Variants in VEGFC observed in about 807,000 individuals in gnomAD.
VEGFC encodes vascular endothelial growth factor C.
A neutral mutation model predicts 46.1 loss-of-function variants in VEGFC; 12 were observed. That is an observed-to-expected ratio of 0.26 (90% confidence interval 0.17 to 0.42). The LOEUF (loss-of-function observed/expected upper bound fraction) is 0.42. Ranked by LOEUF, VEGFC falls within the 10% of genes least tolerant of loss-of-function variation. The pLI is 1.00. For synonymous variants in VEGFC, 232 were observed against 195.5 expected, an observed-to-expected ratio of 1.19 and a Z score of -1.56; for missense variants, 488 against 529.4, an observed-to-expected ratio of 0.92 and a Z score of 0.77.
At chr4:176,693,366 A>G (rs1316025134) in intron 4 of VEGFC, among the ~76,000 whole-genome samples, 1 of 135,938 alleles carries the variant, frequency 7.4e-6, no homozygotes, top group Admixed American at 7.1e-5. Flanking sequence ...CAACTGGAAG[A>G]AAGAGTATCA....
chr4:176,727,775 C>T lies in VEGFC; in HGVS notation c.552+3G>A. ...GCAGGTAGCAGGAATGGGCAATACC[C>T]ACCGTCTTGCTGAGGTAGCTCGTGC... On this transcript the variant is annotated splice_donor_region_variant and intron_variant, in intron 3 of 6. Coordinates refer to ENST00000618562, the MANE Select transcript of VEGFC (RefSeq NM_005429.5). The T allele has an allele frequency of 6.2e-7, 1 of 1,611,518 alleles. No individual in the cohort carries two copies. The highest frequency in any genetic ancestry group is 1.1e-5 in the South Asian group (1 of 90,626).
Position 176,704,794 on chromosome 4 carries a change from G to A in VEGFC, c.704+6705C>T, listed in dbSNP as rs1470645686. On this transcript the variant is annotated intron_variant, in intron 4 of 6. Transcript: ENST00000618562. ...TAAGAAACAGCCCATCCTTGGCTGG[G>A]CATATGTGATTCTGTTGACCTCTCC... Among the ~76,000 whole-genome samples, 4 of 152,102 alleles carry A rather than the reference G, an allele frequency of 2.6e-5. No individual in the cohort carries two copies. In the South Asian group the frequency reaches 8.3e-4, roughly 32 times the overall value.
chr4:176,748,592 A>G (rs1277271206), intron 1 of VEGFC, among the ~76,000 whole-genome samples: 1 of 152,016 alleles, frequency 6.6e-6, no homozygotes, highest in African/African-American at 2.4e-5. Context: ...ATTAATATAC[A>G]CATAAGAATA....
At chr4:176,692,685 A>C (rs546932132) in intron 4 of VEGFC, among the ~76,000 whole-genome samples, 1 of 148,650 alleles carries the variant, frequency 6.7e-6, no homozygotes, top group Admixed American at 6.6e-5. Flanking sequence ...GGCACAGACA[A>C]ACAAAAAGAC....
chr4:176,741,947 C>A lies in VEGFC; in HGVS notation c.148-12201G>T, dbSNP rs555956199. Among the ~76,000 whole-genome samples the A allele has an allele frequency of 1.3e-3, 196 of 151,902 alleles. 2 individuals are homozygous for A. Among genetic ancestry groups the A allele is most frequent in the Non-Finnish European group, 1.7e-3 (118 of 67,912 alleles). ...TGCAGATCAGAAATATTAATTCAAA[C>A]CCTAGTTCCTCTGTTTTTTGTTTGC... is the stretch of plus-strand genomic sequence containing the variant. On this transcript the variant is annotated intron_variant, in intron 1 of 6. Coordinates refer to ENST00000618562, the MANE Select transcript of VEGFC (RefSeq NM_005429.5).
At chr4:176,727,437 A>G (rs1381480321) in intron 3 of VEGFC, among the ~76,000 whole-genome samples, 1 of 152,184 alleles carries the variant, frequency 6.6e-6, no homozygotes, top group African/African-American at 2.4e-5. Flanking sequence ...AAAGTATTTT[A>G]TTGCCAAATG....
intron 4 of VEGFC, among the ~76,000 whole-genome samples, chr4:176,697,660 ATGC>A (rs1734344092): frequency 6.6e-6 from 1 of 151,838 alleles, no homozygotes; most frequent in Non-Finnish European, 1.5e-5. Flanking sequence ...ACTATAAATC[ATGC>A]TGCTATAAAG....
chr4:176,721,278 T>C (rs1268320473), intron 3 of VEGFC, among the ~76,000 whole-genome samples: 2 of 152,166 alleles, frequency 1.3e-5, no homozygotes. Context: ...ACTTAGAACA[T>C]TTGTACCAAT....
At position 176,723,195 on chromosome 4, in the gene VEGFC, T is replaced by G. The variant is rs562461024; in HGVS notation, c.552+4583A>C. Among the ~76,000 whole-genome samples the G allele has an allele frequency of 2.3e-3, 348 of 152,210 alleles. 2 individuals carry two copies. The highest frequency in any genetic ancestry group is 7.2e-3 in the African/African-American group (298 of 41,520). On this transcript the variant is annotated intron_variant, in intron 3 of 6. Transcript: ENST00000618562. ...TAATGAATGAGAGAATAAAGAAGAA[T>G]TTTCTTCCTTATCTGTAAGAGAAAC... is the stretch of plus-strand genomic sequence containing the variant.
chr4:176,760,897 C>T (rs547953095), intron 1 of VEGFC, among the ~76,000 whole-genome samples: 1 of 152,328 alleles, frequency 6.6e-6, no homozygotes, highest in Non-Finnish European at 1.5e-5. Context: ...TCATCACTCA[C>T]TCGTGGTACT....
chr4:176,747,681 C>T (rs1406326040), intron 1 of VEGFC, among the ~76,000 whole-genome samples: 1 of 152,012 alleles, frequency 6.6e-6, no homozygotes, highest in Admixed American at 6.6e-5. Flanking sequence ...GTAGTCCCAG[C>T]TACTCAGGAC....
chr4:176,776,345 G>A (rs1440131422), intron 1 of VEGFC, among the ~76,000 whole-genome samples: 3 of 152,120 alleles, frequency 2.0e-5, no homozygotes, highest in Admixed American at 6.5e-5. Context: ...ACTATTCGAG[G>A]GCAACATTAG....
intron 6 of VEGFC, among the ~76,000 whole-genome samples, chr4:176,685,741 T>G (rs1334612889): frequency 6.6e-6 from 1 of 151,982 alleles, no homozygotes; most frequent in Non-Finnish European, 1.5e-5. Context: ...GTTATTACAG[T>G]AGGAATATAT....
At chr4:176,719,517 C>T (rs770090191) in intron 3 of VEGFC, among the ~76,000 whole-genome samples, 1 of 152,120 alleles carries the variant, frequency 6.6e-6, no homozygotes, top group African/African-American at 2.4e-5. Context: ...AAATTTTATG[C>T]CTCGACCTCC....
intron 1 of VEGFC, among the ~76,000 whole-genome samples, chr4:176,771,673 G>T (rs1006542260): frequency 3.3e-5 from 5 of 152,142 alleles, no homozygotes; most frequent in Non-Finnish European, 5.9e-5. Flanking sequence ...CTTGTTATCT[G>T]GTACCAGTGC....
At chr4:176,777,287 A>G (rs1474211304) in intron 1 of VEGFC, among the ~76,000 whole-genome samples, 1 of 152,238 alleles carries the variant, frequency 6.6e-6, no homozygotes, top group Non-Finnish European at 1.5e-5. Flanking sequence ...ACTGCACTCC[A>G]GCCTGGCCGA....
chr4:176,735,339 G>A (rs866083227), intron 1 of VEGFC, among the ~76,000 whole-genome samples: 1 of 151,676 alleles, frequency 6.6e-6, no homozygotes. Context: ...ATTTCATCAG[G>A]GTAATGTTAG....
chr4:176,769,986 C>T (rs1367477127), intron 1 of VEGFC, among the ~76,000 whole-genome samples: 2 of 152,048 alleles, frequency 1.3e-5, no homozygotes, highest in Non-Finnish European at 2.9e-5. Context: ...CCTAGTAACC[C>T]ATGCCAAAAA....
chr4:176,779,797 G>A (rs1289349049), intron 1 of VEGFC, among the ~76,000 whole-genome samples: 2 of 151,996 alleles, frequency 1.3e-5, no homozygotes, highest in Admixed American at 6.5e-5. Flanking sequence ...ATGTTAATAC[G>A]TTAGGCTTAG....
Sources: allele counts gnomAD v4.1 joint callset (sites outside exome capture counted in the v4.1 genomes callset), GRCh38; gene constraint gnomAD v4.1.1; transcripts MANE v1.5; gene names NCBI Gene and HGNC (gene_info 2026-07-23, HGNC 2026-07-21).